Variants in SLC26A5 observed in about 807,000 individuals in gnomAD.
SLC26A5 encodes the protein prestin.
Under a neutral mutation model 81.0 loss-of-function variants are expected in SLC26A5, and 51 were observed. The ratio of observed to expected loss-of-function variants is 0.63; its 90% CI spans 0.50 to 0.80. The LOEUF (loss-of-function observed/expected upper bound fraction) is 0.80, where lower values mean the gene tolerates loss of function less well. Among genes scored for constraint, SLC26A5 ranks in the 30% least tolerant of loss-of-function variants. The probability of loss-of-function intolerance (pLI) is 0.00; values close to 1 mark genes in which losing one functional copy is unlikely to be tolerated. For synonymous variants in SLC26A5, 325 were observed against 332.8 expected (o/e 0.98, Z 0.25); for missense variants, 771 against 905.8 (o/e 0.85, Z 1.91).
intron 12 of SLC26A5, 134 bp from the exon 13 acceptor site, chr7:103,389,558 T>C (rs773596309): frequency 5.8e-5 from 42 of 725,332 alleles, no homozygotes; most frequent in Admixed American, 1.0e-4. Context: ...GATGGTAGCT[T>C]TGAAGCCATG....
At position 103,354,900 on chromosome 7, in the gene SLC26A5, A is replaced by C. The variant is rs369823547; in HGVS notation, c.2042-1974T>G. 7 of 1,613,500 alleles carry C rather than the reference A, an allele frequency of 4.3e-6. No homozygotes were observed. Among genetic ancestry groups the C allele is most frequent in the Non-Finnish European group, 5.9e-6 (7 of 1,179,680 alleles). On this transcript the variant is annotated intron_variant, in intron 19 of 19. Coordinates refer to the SLC26A5 transcript ENST00000339444. ...GCACTTACTCTAGGCAGATCAAGCA[A>C]GTTGAAGATGACATTCAGCAACTTC... is the stretch of plus-strand genomic sequence containing the variant.
At chr7:103,381,146 A>G (rs1204669846) in intron 14 of SLC26A5, among the ~76,000 whole-genome samples, 1 of 151,702 alleles carries the variant, frequency 6.6e-6, no homozygotes, top group Non-Finnish European at 1.5e-5. Context: ...CCTCACATGC[A>G]TACACACCAT....
intron 1 of SLC26A5, chr7:103,445,211 C>T (rs1827193152): frequency 6.6e-6 from 1 of 152,192 alleles, no homozygotes; most frequent in Non-Finnish European, 1.5e-5. Context: ...GTATCTGAGG[C>T]TTTCTTCACA....
chr7:103,385,311 C>T (rs1455825355), intron 14 of SLC26A5, among the ~76,000 whole-genome samples: 7 of 152,022 alleles, frequency 4.6e-5, no homozygotes, highest in Non-Finnish European at 4.4e-5. Flanking sequence ...TACAGGCGCC[C>T]GCCACCACGC....
intron 4 of SLC26A5, among the ~76,000 whole-genome samples, chr7:103,414,190 CT>C (rs199802339): frequency 0.088 from 11,151 of 126,822 alleles, 878 homozygotes; most frequent in African/African-American, 0.22. Context: ...TTGCCCCCCC[CT>C]TTTTTTTTTT....
At chr7:103,440,334 T>C (rs1352619956) in intron 2 of SLC26A5, among the ~76,000 whole-genome samples, 2 of 152,236 alleles carry the variant, frequency 1.3e-5, no homozygotes, top group African/African-American at 4.8e-5. Context: ...TTTTGCAAAA[T>C]TGTAATGCTT....
At chr7:103,420,948 AT>A (rs1825298497) in intron 3 of SLC26A5, 71 bp from the exon 4 acceptor site, 11 of 1,504,882 alleles carry the variant, frequency 7.3e-6, no homozygotes, top group Non-Finnish European at 1.0e-5. Flanking sequence ...AAACCAAAGC[AT>A]TTTCCCTTCC....
At chr7:103,363,665 A>G (rs1820535953) in intron 19 of SLC26A5, among the ~76,000 whole-genome samples, 1 of 150,848 alleles carries the variant, frequency 6.6e-6, no homozygotes, top group African/African-American at 2.4e-5. Context: ...TGCTGTTTAC[A>G]GTGACAGAGG....
chr7:103,398,672 G>A (rs1304145378), intron 8 of SLC26A5, among the ~76,000 whole-genome samples: 1 of 152,172 alleles, frequency 6.6e-6, no homozygotes, highest in Admixed American at 6.5e-5. Context: ...AACAAAAGGT[G>A]AGATAGCAAT....
chr7:103,369,721 A>T (rs1820920175), downstream of SLC26A5, among the ~76,000 whole-genome samples: 1 of 152,210 alleles, frequency 6.6e-6, no homozygotes, highest in Non-Finnish European at 1.5e-5. Context: ...ATGTGTGTAG[A>T]TGCACATATA....
At chr7:103,372,300 C>T (rs1365676564), downstream of SLC26A5, among the ~76,000 whole-genome samples, 3 of 152,212 alleles carry the variant, frequency 2.0e-5, no homozygotes, top group African/African-American at 7.2e-5. Context: ...ACATACACCA[C>T]AGGCTTTGGT....
chr7:103,384,407 T>C (rs966204140), intron 14 of SLC26A5, among the ~76,000 whole-genome samples: 5 of 151,762 alleles, frequency 3.3e-5, no homozygotes, highest in African/African-American at 1.2e-4. Context: ...GGTGAGGAGT[T>C]CAAGACCAGC....
At chr7:103,402,625 T>C (rs919609436) in intron 8 of SLC26A5, among the ~76,000 whole-genome samples, 1 of 152,098 alleles carries the variant, frequency 6.6e-6, no homozygotes, top group Non-Finnish European at 1.5e-5. Context: ...GGTCTTGATC[T>C]CTTGACTTTC....
chr7:103,416,861 A>C (rs1251061182), intron 4 of SLC26A5, among the ~76,000 whole-genome samples: 1 of 152,198 alleles, frequency 6.6e-6, no homozygotes, highest in Non-Finnish European at 1.5e-5. Context: ...TGACATGCTT[A>C]ACACAAAATC....
intron 11 of SLC26A5, 47 bp downstream of exon 11, chr7:103,391,575 A>G: frequency 2.1e-6 from 3 of 1,458,550 alleles, no homozygotes; most frequent in Non-Finnish European, 1.9e-6. Flanking sequence ...ATTAAAATTT[A>G]ATTACCACCC....
In SLC26A5 at chr7:103,444,380, A is replaced by C. The variant is rs1389284368; in HGVS notation, c.-182-1169T>G. Among the ~76,000 whole-genome samples the C allele has an allele frequency of 2.6e-5, 4 of 152,386 alleles. No individual in the cohort carries two copies. In the East Asian group the frequency reaches 7.7e-4, roughly 29 times the overall value. On this transcript the variant is annotated intron_variant, in intron 1 of 19. Transcript: ENST00000306312. ...TGTTTCACTTGGGTTACTAAAATGC[A>C]GACTACCTGCAACGGTAGAAAAATT...
intron 9 of SLC26A5, among the ~76,000 whole-genome samples, chr7:103,393,940 T>C (rs1219544146): frequency 1.3e-5 from 2 of 152,232 alleles, no homozygotes; most frequent in Non-Finnish European, 2.9e-5. Context: ...ATGCTTTCTC[T>C]GTGCCAGGTT....
Position 103,421,563 on chromosome 7 carries a change from T to A in SLC26A5, c.-49A>T, listed in dbSNP as rs911777604. ...CAGCCGGAGACAAGCATTTCCTGAG[T>A]GTCACTAGGGGAAAAAAGAAAAACT... On this transcript the variant is annotated 5_prime_UTR_variant, in exon 3 of 20. Coordinates refer to ENST00000306312, the MANE Select transcript of SLC26A5 (RefSeq NM_198999.3). 1.3e-6 allele frequency: 2 copies of A among 1,595,416 alleles called. No homozygotes were observed. Among genetic ancestry groups the A allele is most frequent in the African/African-American group, 2.7e-5 (2 of 74,524 alleles).
chr7:103,395,779 A>G (rs1188586400), intron 9 of SLC26A5, among the ~76,000 whole-genome samples: 3 of 152,082 alleles, frequency 2.0e-5, no homozygotes, highest in East Asian at 1.9e-4. Context: ...TCAGCCTCCT[A>G]AAGTGCTGGG....
Sources: gnomAD v4.1 joint callset for allele counts (sites outside exome capture counted in the v4.1 genomes callset) on GRCh38, gnomAD v4.1.1 for gene constraint, MANE v1.5 for transcripts, NCBI Gene and HGNC (gene_info 2026-07-23, HGNC 2026-07-21) for gene names.